Variants in SGCE observed in about 807,000 individuals in gnomAD.
The protein encoded by SGCE is epsilon-sarcoglycan.
In SGCE, 26 loss-of-function variants were observed where a neutral mutation model predicts 57.8. That is an observed-to-expected ratio of 0.45 (90% confidence interval 0.33 to 0.62). The LOEUF is 0.62. Among genes scored for constraint, SGCE ranks in the 20% least tolerant of loss-of-function variants. The pLI is 0.02. For synonymous variants in SGCE, 183 were observed against 189.5 expected (o/e 0.97, Z 0.28); for missense variants, 468 against 548.6 (o/e 0.85, Z 1.47).
Position 94,614,541 on chromosome 7 carries a change from T to C in SGCE, c.662+4217A>G, listed in dbSNP as rs570148034. ...GTAGAGTTCTGAATCCACTATGCTC[T>C]CTCCTACCTTCGGTACTCGCCCAAG... On this transcript the variant is annotated intron_variant, in intron 5 of 10. Transcript: ENST00000648936. 1.5e-3 allele frequency among the ~76,000 whole-genome samples: 232 copies of C among 152,302 alleles called. 1 individual carries two copies. Among genetic ancestry groups the C allele is most frequent in the African/African-American group, 5.3e-3 (221 of 41,556 alleles).
intron 2 of SGCE, 47 bp from the exon 3 acceptor site, chr7:94,628,406 C>T (rs1415414984): frequency 1.3e-6 from 2 of 1,494,672 alleles, no homozygotes; most frequent in African/African-American, 1.4e-5. Context: ...TATTTTCACA[C>T]ATGTTGCTTT....
chr7:94,588,130 C>T (rs1797154222), intron 10 of SGCE: 1 of 1,147,410 alleles, frequency 8.7e-7, no homozygotes, highest in East Asian at 5.0e-5. Flanking sequence ...TTTTTAGGGA[C>T]ACTTGAAAGA....
At chr7:94,633,691 C>T (rs1344760687) in intron 1 of SGCE, among the ~76,000 whole-genome samples, 1 of 152,112 alleles carries the variant, frequency 6.6e-6, no homozygotes, top group Non-Finnish European at 1.5e-5. Flanking sequence ...CCAGTGGAAA[C>T]TCTCTCTCCA....
At chr7:94,607,024 A>G (rs965443452) in intron 5 of SGCE, among the ~76,000 whole-genome samples, 3 of 152,138 alleles carry the variant, frequency 2.0e-5, no homozygotes, top group Non-Finnish European at 4.4e-5. Context: ...AGAGATCTAA[A>G]ATCAATAATT....
Position 94,643,952 on chromosome 7 carries a change from C to T in SGCE, c.109+12038G>A, listed in dbSNP as rs1407607969. Among the ~76,000 whole-genome samples, 4 of 152,056 alleles carry T rather than the reference C, an allele frequency of 2.6e-5. No individual in the cohort carries two copies. The East Asian group carries it at 5.8e-4, about 22-fold the overall frequency. On this transcript the variant is annotated intron_variant, in intron 1 of 10. Coordinates refer to ENST00000648936, the MANE Select transcript of SGCE (RefSeq NM_003919.3). ...AATCTAATGTGTAAAGATATGTCAACCTTGTAGAGACTGGTTCTTGGACAT... is the reference window on the plus strand; with the variant it reads ...AATCTAATGTGTAAAGATATGTCAATCTTGTAGAGACTGGTTCTTGGACAT...
At chr7:94,626,664 C>A (rs1157597663) in intron 3 of SGCE, 1 of 151,826 alleles carries the variant, frequency 6.6e-6, no homozygotes, top group Non-Finnish European at 1.5e-5. Flanking sequence ...CTTTTTAAAT[C>A]CTTAGGGATT....
At chr7:94,593,773 A>G (rs150470024) in intron 9 of SGCE, among the ~76,000 whole-genome samples, 74 of 152,206 alleles carry the variant, frequency 4.9e-4, no homozygotes, top group African/African-American at 1.7e-3. Flanking sequence ...TCAGTTTCAC[A>G]TGGGGGAATT....
chr7:94,605,927 C>T (rs1423897149), intron 5 of SGCE, among the ~76,000 whole-genome samples: 1 of 152,144 alleles, frequency 6.6e-6, no homozygotes, highest in Non-Finnish European at 1.5e-5. Context: ...CTCCTGGGTT[C>T]AAGCAATTCT....
At chr7:94,655,969 C>A (rs780214724) in intron 1 of SGCE, 21 bp downstream of exon 1, 32 of 1,515,246 alleles carry the variant, frequency 2.1e-5, no homozygotes, top group Non-Finnish European at 2.8e-5. Context: ...GGGACCTCCA[C>A]GTCGCGCGCA....
At chr7:94,628,660 T>C in intron 2 of SGCE, 1 of 350,158 alleles carries the variant, frequency 2.9e-6, no homozygotes, top group African/African-American at 2.1e-5. Context: ...CAACTATCTT[T>C]CAGGAGAATT....
At chr7:94,624,423 A>G in intron 3 of SGCE, 1 of 388,716 alleles carries the variant, frequency 2.6e-6, no homozygotes, top group Non-Finnish European at 4.5e-6. Context: ...TTAAACTTTT[A>G]ACAATGTTTA....
intron 1 of SGCE, among the ~76,000 whole-genome samples, chr7:94,639,737 T>A (rs1183480768): frequency 2.6e-5 from 4 of 152,176 alleles, no homozygotes; most frequent in African/African-American, 9.7e-5. Context: ...CACACATATA[T>A]AATAAATCAT....
intron 10 of SGCE, chr7:94,588,132 C>CT (rs1341571457): frequency 1.7e-6 from 2 of 1,147,330 alleles, no homozygotes; most frequent in Non-Finnish European, 2.1e-6. Context: ...TTTAGGGACA[C>CT]TTGAAAGAAA....
At chr7:94,597,551 A>G (rs1314882021) in intron 9 of SGCE, 1 of 150,098 alleles carries the variant, frequency 6.7e-6, no homozygotes, top group Non-Finnish European at 1.5e-5. Flanking sequence ...GTCTGTGTGT[A>G]TGAGAGAGAG....
intron 3 of SGCE, 55 bp downstream of exon 3, chr7:94,628,137 TACACACACAC>T (rs138881114): frequency 8.1e-6 from 8 of 991,930 alleles, no homozygotes; most frequent in African/African-American, 3.2e-5. Context: ...CAAATTACAA[TACACACACAC>T]ACACACACAC....
At chr7:94,644,316 A>G (rs1050809574) in intron 1 of SGCE, among the ~76,000 whole-genome samples, 4 of 152,222 alleles carry the variant, frequency 2.6e-5, no homozygotes, top group Non-Finnish European at 5.9e-5. Context: ...TTAAGATTCC[A>G]TGATTCATTT....
intron 1 of SGCE, among the ~76,000 whole-genome samples, chr7:94,635,864 T>G (rs1424838071): frequency 6.6e-6 from 1 of 152,230 alleles, no homozygotes; most frequent in Non-Finnish European, 1.5e-5. Flanking sequence ...CAGTCTGCCC[T>G]TCACCTTTAA....
At chr7:94,590,081 CAAT>C (rs1002465474) in intron 9 of SGCE, 6 of 152,106 alleles carry the variant, frequency 3.9e-5, no homozygotes, top group African/African-American at 1.5e-4. Flanking sequence ...TGGAAAGCCA[CAAT>C]ATATCTCACT....
intron 1 of SGCE, among the ~76,000 whole-genome samples, chr7:94,646,982 T>C (rs1807184870): frequency 6.6e-6 from 1 of 152,208 alleles, no homozygotes; most frequent in Non-Finnish European, 1.5e-5. Context: ...CCCTTAATCG[T>C]CCTCGTGTCT....
Sources: allele counts gnomAD v4.1 joint callset (sites outside exome capture counted in the v4.1 genomes callset), GRCh38; gene constraint gnomAD v4.1.1; transcripts MANE v1.5; gene names NCBI Gene and HGNC (gene_info 2026-07-23, HGNC 2026-07-21).